The following SLC6A11 variants were observed in gnomAD, a reference collection of about 807,000 sequenced individuals.
SLC6A11 encodes solute carrier family 6 member 11, also known as sodium- and chloride-dependent GABA transporter 3.
A neutral mutation model predicts 74.8 loss-of-function variants in SLC6A11; 25 were observed. That is an observed-to-expected ratio of 0.33 (90% CI 0.24 to 0.47). The LOEUF (loss-of-function observed/expected upper bound fraction) is 0.47. Ranked by LOEUF, SLC6A11 falls within the 20% of genes least tolerant of loss-of-function variation. SLC6A11 has a pLI of 1.00. For missense variants in SLC6A11, 574 were observed against 837.0 expected (o/e 0.69, Z 3.88); for synonymous variants, 330 against 330.2 (o/e 1.00, Z 0.01).
chr3:10,932,784 G>A lies in SLC6A11; in HGVS notation c.1372-367G>A, dbSNP rs79902395. 8.6e-3 allele frequency among the ~76,000 whole-genome samples: 1,302 copies of A among 152,244 alleles called. 13 individuals carry two copies. The highest frequency in any genetic ancestry group is 0.03 in the African/African-American group (1,235 of 41,524). ...TTCCTCTGAAAGCTGGCGTGCAGAC[G>A]GATTGGAGAGGGTGAGGCTGGAGGC... is the stretch of plus-strand genomic sequence containing the variant. On this transcript the variant is annotated intron_variant, in intron 10 of 13. Transcript: ENST00000254488.
At chr3:10,906,077 C>T (rs1330869303) in intron 6 of SLC6A11, among the ~76,000 whole-genome samples, 1 of 152,074 alleles carries the variant, frequency 6.6e-6, no homozygotes, top group Non-Finnish European at 1.5e-5. Context: ...AATTAATACC[C>T]ATTTCCCCAC....
At chr3:10,905,242 G>A (rs1238492671) in intron 6 of SLC6A11, among the ~76,000 whole-genome samples, 2 of 152,208 alleles carry the variant, frequency 1.3e-5, no homozygotes, top group South Asian at 2.1e-4. Flanking sequence ...ATGGGAAGAT[G>A]ACATTCCCCA....
chr3:10,845,464 A>G (rs1300095507), intron 5 of SLC6A11, among the ~76,000 whole-genome samples: 2 of 152,154 alleles, frequency 1.3e-5, no homozygotes, highest in East Asian at 3.9e-4. Context: ...CCTCCTTCCC[A>G]TAGGCAGTTG....
At chr3:10,907,554 G>GA (rs1179493718) in intron 6 of SLC6A11, among the ~76,000 whole-genome samples, 1 of 152,194 alleles carries the variant, frequency 6.6e-6, no homozygotes, top group African/African-American at 2.4e-5. Context: ...ATGAGCCTGA[G>GA]AAAATCAACA....
At chr3:10,832,701 A>C (rs1001037003) in intron 4 of SLC6A11, among the ~76,000 whole-genome samples, 4 of 151,728 alleles carry the variant, frequency 2.6e-5, no homozygotes, top group African/African-American at 7.3e-5. Context: ...CACTCCTATT[A>C]CTCTCCTTTT....
chr3:10,826,407 T>A (rs1694210495), intron 4 of SLC6A11, among the ~76,000 whole-genome samples: 1 of 152,172 alleles, frequency 6.6e-6, no homozygotes, highest in Non-Finnish European at 1.5e-5. Context: ...ACCTGCACAT[T>A]TGGGGGTCTG....
intron 10 of SLC6A11, 87 bp downstream of exon 10, chr3:10,929,426 G>A: frequency 6.7e-7 from 1 of 1,488,996 alleles, no homozygotes; most frequent in South Asian, 1.2e-5. Context: ...GTGTGACCCG[G>A]GTCAGGTCTA....
Position 10,819,481 on chromosome 3 carries a change from C to T in SLC6A11, c.273C>T (p.Pro91=). 5 of 1,613,714 alleles carry T rather than the reference C, an allele frequency of 3.1e-6. No homozygotes were observed. Among genetic ancestry groups the T allele is most frequent in the Non-Finnish European group, 4.2e-6 (5 of 1,179,904 alleles). ...YKNGGGAFLI[P]YVVFFICCGI... ...TCCTTACAGGGGCATTCCTGATTCC[C>T]TACGTGGTGTTTTTTATTTGCTGTG... The change falls in exon 2 of 14, where the codon CCC becomes CCT. Residue 91 remains proline, a synonymous_variant. Transcript: ENST00000254488.
chr3:10,869,904 T>G (rs1178775263), intron 5 of SLC6A11, among the ~76,000 whole-genome samples: 1 of 152,134 alleles, frequency 6.6e-6, no homozygotes, highest in African/African-American at 2.4e-5. Context: ...GTTGGAGATC[T>G]AGTTGGCAAG....
rs766529942 is a variant in SLC6A11 at position 10,874,955 on chromosome 3, G to A, written c.757-6G>A. ...TCTTGATTCTGTCCTCTCCTCTTGT[G>A]CACAGGTTGTATACGTGACTGCGAC... is the stretch of plus-strand genomic sequence containing the variant. On this transcript the variant is annotated splice_region_variant and splice_polypyrimidine_tract_variant and intron_variant, in intron 5 of 13. Coordinates refer to ENST00000254488, the MANE Select transcript of SLC6A11 (RefSeq NM_014229.3). The A allele has an allele frequency of 4.4e-6, 7 of 1,603,540 alleles. No individual in the cohort carries two copies. In the East Asian group the frequency reaches 1.6e-4, roughly 36 times the overall value.
chr3:10,854,150 G>T lies in SLC6A11; in HGVS notation c.756+9804G>T, dbSNP rs137961607. ...CGTCTGTAATCCCAACACTTTGGGAGGCTGAGGCAGGCGGATCACCTGAGG... is the reference window on the plus strand; with the variant it reads ...CGTCTGTAATCCCAACACTTTGGGATGCTGAGGCAGGCGGATCACCTGAGG... On this transcript the variant is annotated intron_variant, in intron 5 of 13. Transcript: ENST00000254488. Among the ~76,000 whole-genome samples, 7 of 152,342 alleles carry T rather than the reference G, an allele frequency of 4.6e-5. No individual in the cohort carries two copies. The East Asian group carries it at 1.4e-3, about 29-fold the overall frequency.
chr3:10,918,597 C>T lies in SLC6A11; in HGVS notation c.1120+144C>T. 1 of 870,260 alleles carries T rather than the reference C, an allele frequency of 1.1e-6. No homozygotes were observed. The highest frequency in any genetic ancestry group is 1.7e-6 in the Non-Finnish European group (1 of 599,984). 53.9% of individuals were successfully genotyped at this position (870,260 alleles called of 1,614,324 possible). A position where few individuals can be genotyped will look rare whatever the true frequency, so the allele number is the denominator to read the frequency against. ...GGGGCCCCACCATTCATCCACAATC[C>T]AGGATCCTGGGAATTACCTAGGAGG... On this transcript the variant is annotated intron_variant, in intron 8 of 13. Transcript: ENST00000254488. This position sits in a 1 kb window ranked among gnomAD's most constrained non-coding sequence, Gnocchi z 4.5.
intron 5 of SLC6A11, among the ~76,000 whole-genome samples, chr3:10,865,401 C>T (rs1403466522): frequency 2.0e-5 from 3 of 151,110 alleles, no homozygotes; most frequent in African/African-American, 4.8e-5. Flanking sequence ...CAGTGGCTCA[C>T]ACCTGTAATC....
At chr3:10,834,848 A>G (rs1421905582) in intron 4 of SLC6A11, among the ~76,000 whole-genome samples, 1 of 152,216 alleles carries the variant, frequency 6.6e-6, no homozygotes, top group Admixed American at 6.5e-5. Context: ...TGAGCTGTGG[A>G]CAGTGTGACA....
chr3:10,908,296 A>G (rs180891596), intron 6 of SLC6A11, among the ~76,000 whole-genome samples: 46 of 152,312 alleles, frequency 3.0e-4, no homozygotes, highest in African/African-American at 1.0e-3. Flanking sequence ...TTCAAATTGG[A>G]TGCTAGTGGG....
In SLC6A11 at chr3:10,938,532, T is replaced by TAA; in HGVS notation, c.*130_*131insAA. 3 of 985,584 alleles carry TAA rather than the reference T, an allele frequency of 3.0e-6. No individual in the cohort carries two copies. The highest frequency in any genetic ancestry group is 4.4e-6 in the Non-Finnish European group (3 of 688,376). 61.1% of individuals were successfully genotyped at this position (985,584 alleles called of 1,614,324 possible). A position where few individuals can be genotyped will look rare whatever the true frequency, so the allele number is the denominator to read the frequency against. On this transcript the variant is annotated 3_prime_UTR_variant, in exon 14 of 14. Transcript: ENST00000254488. Reference sequence around the variant, plus strand: ...GCACAGGATTAATTAACAAGTTAATTTTAAGGTGGCCACTGTACACTGCTC... The same window carrying TAA: ...GCACAGGATTAATTAACAAGTTAATTAATTAAGGTGGCCACTGTACACTGCTC...
chr3:10,887,227 GGATA>G (rs949504126), intron 6 of SLC6A11, among the ~76,000 whole-genome samples: 1 of 151,196 alleles, frequency 6.6e-6, no homozygotes, highest in African/African-American at 2.4e-5. Flanking sequence ...ATGGGCAGAT[GGATA>G]GATAGATGCA....
At chr3:10,936,606 T>G (rs778349640) in intron 13 of SLC6A11, among the ~76,000 whole-genome samples, 2 of 152,178 alleles carry the variant, frequency 1.3e-5, no homozygotes, top group Admixed American at 6.5e-5. Flanking sequence ...GAAAGTCTCT[T>G]TCTCAAGCCT....
chr3:10,920,064 G>T (rs946804061), intron 8 of SLC6A11, among the ~76,000 whole-genome samples: 1 of 152,182 alleles, frequency 6.6e-6, no homozygotes, highest in African/African-American at 2.4e-5. Context: ...TAGTAGCATT[G>T]CTTCTGTGAG....
Sources: allele counts gnomAD v4.1 joint callset (sites outside exome capture counted in the v4.1 genomes callset), GRCh38; gene constraint gnomAD v4.1.1; non-coding constraint Gnocchi (gnomAD v3.1); transcripts MANE v1.5; gene names NCBI Gene and HGNC (gene_info 2026-07-23, HGNC 2026-07-21).